Variants in SLC24A2 observed in about 807,000 individuals in gnomAD.
SLC24A2 encodes the protein solute carrier family 24 member 2, also known as sodium/potassium/calcium exchanger 2.
Under a neutral mutation model 62.0 loss-of-function variants are expected in SLC24A2, and 36 were observed. That is an observed-to-expected ratio of 0.58 (90% CI 0.44 to 0.77). SLC24A2 has a LOEUF of 0.77. SLC24A2 is among the 30% of genes least tolerant of loss of function. SLC24A2 has a pLI of 0.00. For synonymous variants in SLC24A2, 358 were observed against 294.0 expected, an observed-to-expected ratio of 1.22 and a Z score of -2.23; for missense variants, 846 against 817.9, an observed-to-expected ratio of 1.03 and a Z score of -0.42.
At chr9:20,229,998 C>T in the SLC24A2 span, among the ~76,000 whole-genome samples, 6 of 150,974 alleles carry the variant, frequency 4.0e-5, no homozygotes, top group Non-Finnish European at 8.8e-5. Flanking sequence ...GTTTTTTGTC[C>T]TTGTGATAGT....
At chr9:20,107,003 T>C in the SLC24A2 span, among the ~76,000 whole-genome samples, 2 of 152,192 alleles carry the variant, frequency 1.3e-5, no homozygotes, top group Non-Finnish European at 2.9e-5. Context: ...CAGCAAAGTC[T>C]CAGGATACAA....
intron 2 of SLC24A2, among the ~76,000 whole-genome samples, chr9:19,709,563 T>C (rs1193932836): frequency 1.3e-5 from 2 of 151,940 alleles, no homozygotes; most frequent in East Asian, 1.9e-4. Flanking sequence ...CACCATGGAA[T>C]ACTATGCAGC....
At chr9:20,164,125 G>C in the SLC24A2 span, among the ~76,000 whole-genome samples, 1 of 152,108 alleles carries the variant, frequency 6.6e-6, no homozygotes, top group Non-Finnish European at 1.5e-5. Context: ...AGCCAAAATG[G>C]ACAAATGGGA....
chr9:20,268,774 T>C, the SLC24A2 span, among the ~76,000 whole-genome samples: 1 of 152,218 alleles, frequency 6.6e-6, no homozygotes, highest in African/African-American at 2.4e-5. Context: ...CCAGGGCCTA[T>C]TTGAATATAC....
the SLC24A2 span, among the ~76,000 whole-genome samples, chr9:20,137,241 G>A: frequency 4.7e-4 from 71 of 152,240 alleles, no homozygotes; most frequent in African/African-American, 1.2e-3. Flanking sequence ...GAAATTTAAG[G>A]CATTTTCATG....
chr9:20,231,383 A>C, the SLC24A2 span, among the ~76,000 whole-genome samples: 4 of 152,186 alleles, frequency 2.6e-5, no homozygotes, highest in African/African-American at 7.2e-5. Flanking sequence ...ATGTTCTTCC[A>C]TTTGTTTGTA....
At chr9:20,246,752 A>T in the SLC24A2 span, among the ~76,000 whole-genome samples, 1 of 152,204 alleles carries the variant, frequency 6.6e-6, no homozygotes. Context: ...CAGCAACTGC[A>T]GTTGTACTGT....
At chr9:19,802,328 C>T in the SLC24A2 span, among the ~76,000 whole-genome samples, 5 of 152,270 alleles carry the variant, frequency 3.3e-5, no homozygotes, top group African/African-American at 9.6e-5. Context: ...ATTTGTCTTT[C>T]ATAGCTACTG....
At chr9:19,857,204 G>C in the SLC24A2 span, among the ~76,000 whole-genome samples, 1 of 152,110 alleles carries the variant, frequency 6.6e-6, no homozygotes. Flanking sequence ...ATATTCCTTG[G>C]TTTGTGTCCA....
In SLC24A2 at chr9:19,786,468, A is replaced by C. The variant is rs1391471240; in HGVS notation, c.399T>G (p.Gly133=). ...DIFSLEERRK[G]AIILHVIGMI... ...TTCCAATGACATGCAGAATGATCGC[A>C]CCTTTTCTTCTCTCCTCAAGGGAAA... Residue 133 remains glycine (G), a synonymous_variant, in exon 2 of 11, where the codon GGT becomes GGG. Transcript: ENST00000341998. The surrounding 1 kb of genome is among the most constrained non-coding windows in gnomAD (Gnocchi z 5.0). The C allele has an allele frequency of 6.2e-7, 1 of 1,614,000 alleles. No individual in the cohort carries two copies. The highest frequency in any genetic ancestry group is 2.2e-5 in the East Asian group (1 of 44,894).
chr9:19,816,750 T>C, the SLC24A2 span, among the ~76,000 whole-genome samples: 1 of 151,738 alleles, frequency 6.6e-6, no homozygotes, highest in Non-Finnish European at 1.5e-5. Flanking sequence ...CCACATACTT[T>C]TAAACAACCA....
intron 4 of SLC24A2, among the ~76,000 whole-genome samples, chr9:19,607,058 G>T (rs1837004075): frequency 6.6e-6 from 1 of 152,188 alleles, no homozygotes; most frequent in African/African-American, 2.4e-5. Context: ...ATGAAGTGAG[G>T]CCCTGCTACT....
At chr9:19,540,394 A>C (rs1366510224) in intron 8 of SLC24A2, among the ~76,000 whole-genome samples, 1 of 146,858 alleles carries the variant, frequency 6.8e-6, no homozygotes, top group Non-Finnish European at 1.5e-5. Flanking sequence ...CTTTTAGGGC[A>C]GGCCTGGTGG....
chr9:20,101,965 T>G, the SLC24A2 span, among the ~76,000 whole-genome samples: 1 of 152,176 alleles, frequency 6.6e-6, no homozygotes, highest in African/African-American at 2.4e-5. Context: ...GATCTCTTTT[T>G]TCTCTTTCAG....
At chr9:19,609,336 C>A (rs944903898) in intron 4 of SLC24A2, among the ~76,000 whole-genome samples, 3 of 152,352 alleles carry the variant, frequency 2.0e-5, no homozygotes, top group East Asian at 3.9e-4. Context: ...GTGCTTATAC[C>A]CTATGGCAGT....
At chr9:19,813,378 G>A in the SLC24A2 span, among the ~76,000 whole-genome samples, 123,312 of 145,238 alleles carry the variant, frequency 0.85, 53,300 homozygotes, top group Non-Finnish European at 0.94. Context: ...GCTGGAATGC[G>A]GTGGCACGAT....
At chr9:19,991,515 T>A in the SLC24A2 span, among the ~76,000 whole-genome samples, 1 of 152,196 alleles carries the variant, frequency 6.6e-6, no homozygotes, top group South Asian at 2.1e-4. Flanking sequence ...ATACTTTGCA[T>A]CCTTCAATCC....
At chr9:20,255,273 A>G in the SLC24A2 span, among the ~76,000 whole-genome samples, 12 of 152,350 alleles carry the variant, frequency 7.9e-5, no homozygotes, top group South Asian at 1.0e-3. Context: ...AGTACTGCTA[A>G]TAAGATTTCT....
the SLC24A2 span, among the ~76,000 whole-genome samples, chr9:20,019,312 A>AAAGT: frequency 2.8e-5 from 4 of 141,454 alleles, no homozygotes; most frequent in South Asian, 2.1e-4. Flanking sequence ...AGAAAGAAAG[A>AAAGT]AAGTGAGTGA....
Sources: allele counts gnomAD v4.1 joint callset (sites outside exome capture counted in the v4.1 genomes callset), GRCh38; gene constraint gnomAD v4.1.1; non-coding constraint Gnocchi (gnomAD v3.1); transcripts MANE v1.5; gene names NCBI Gene and HGNC (gene_info 2026-07-23, HGNC 2026-07-21).